Variants in MARCHF1 observed in about 807,000 individuals in gnomAD.
The protein encoded by MARCHF1 is E3 ubiquitin-protein ligase MARCHF1.
Under a neutral mutation model 54.2 loss-of-function variants are expected in MARCHF1, and 40 were observed. The observed-to-expected ratio is 0.74, with a 90% CI of 0.57 to 0.96. The LOEUF is 0.96. Among genes scored for constraint, MARCHF1 ranks in the 40% least tolerant of loss-of-function variants. MARCHF1 has a pLI of 0.00. For missense variants in MARCHF1, 586 were observed against 656.5 expected, an observed-to-expected ratio of 0.89 and a Z score of 1.17; for synonymous variants, 236 against 236.3, an observed-to-expected ratio of 1.00 and a Z score of 0.01.
intron 4 of MARCHF1, among the ~76,000 whole-genome samples, chr4:163,838,027 TAC>T (rs2111121124): frequency 6.6e-6 from 1 of 152,220 alleles, no homozygotes; most frequent in Admixed American, 6.5e-5. Flanking sequence ...TTAATGGAAG[TAC>T]AAAACTATTT....
At chr4:164,285,819 TAAA>T (rs78385104) in intron 1 of MARCHF1, among the ~76,000 whole-genome samples, 3,393 of 95,776 alleles carry the variant, frequency 0.035, 100 homozygotes, top group African/African-American at 0.094. Context: ...TGTAGTTCTT[TAAA>T]AAAAAAAAAA....
chr4:164,276,628 A>G (rs1733888997), intron 1 of MARCHF1, among the ~76,000 whole-genome samples: 1 of 151,106 alleles, frequency 6.6e-6, no homozygotes, highest in Non-Finnish European at 1.5e-5. Context: ...TGATCACTGC[A>G]CATTGTATAC....
chr4:163,930,204 G>C (rs1751640538), intron 3 of MARCHF1, among the ~76,000 whole-genome samples: 1 of 151,108 alleles, frequency 6.6e-6, no homozygotes, highest in African/African-American at 2.4e-5. Context: ...GACAGTAACT[G>C]TAAGAATCAA....
At chr4:163,952,283 T>C (rs927221249) in intron 3 of MARCHF1, among the ~76,000 whole-genome samples, 1 of 152,188 alleles carries the variant, frequency 6.6e-6, no homozygotes, top group Non-Finnish European at 1.5e-5. Context: ...ATACACACTG[T>C]AGAAAATGCT....
At chr4:163,590,450 A>G (rs962959577) in intron 7 of MARCHF1, among the ~76,000 whole-genome samples, 4 of 152,028 alleles carry the variant, frequency 2.6e-5, no homozygotes, top group Non-Finnish European at 5.9e-5. Flanking sequence ...AGTGGTTTTG[A>G]ATTGTCAACA....
At chr4:163,628,549 G>A (rs1292612608) in intron 5 of MARCHF1, among the ~76,000 whole-genome samples, 5 of 152,216 alleles carry the variant, frequency 3.3e-5, no homozygotes, top group Non-Finnish European at 7.3e-5. Context: ...TCTGGCCATG[G>A]CCATCAGGAA....
At chr4:163,529,689 A>G (rs925037157) in intron 9 of MARCHF1, 4 of 152,110 alleles carry the variant, frequency 2.6e-5, no homozygotes, top group Admixed American at 6.6e-5. Flanking sequence ...TCACACTTTT[A>G]TAGATGTCTA....
chr4:163,537,753 G>C (rs1010905157), intron 9 of MARCHF1, among the ~76,000 whole-genome samples: 2 of 152,194 alleles, frequency 1.3e-5, no homozygotes, highest in South Asian at 4.1e-4. Context: ...AGCTACTGTA[G>C]TCTCTCATAT....
At chr4:163,955,086 C>T (rs1376838525) in intron 3 of MARCHF1, among the ~76,000 whole-genome samples, 1 of 151,282 alleles carries the variant, frequency 6.6e-6, no homozygotes, top group Non-Finnish European at 1.5e-5. Context: ...GGAATTTGGA[C>T]AATGGAGGTG....
intron 1 of MARCHF1, among the ~76,000 whole-genome samples, chr4:164,142,155 T>C (rs1400509061): frequency 6.6e-6 from 1 of 152,214 alleles, no homozygotes; most frequent in Admixed American, 6.5e-5. Context: ...ATCCTGCACC[T>C]GCCTCGGAGG....
chr4:163,542,419 A>G (rs1036380791), intron 9 of MARCHF1, among the ~76,000 whole-genome samples: 2 of 152,182 alleles, frequency 1.3e-5, no homozygotes, highest in Non-Finnish European at 1.5e-5. Context: ...ACAGACAATT[A>G]AATGAGCAAT....
At chr4:163,737,204 ATTTTTTTTAATTTTT>A (rs372648484) in intron 4 of MARCHF1, among the ~76,000 whole-genome samples, 4,205 of 25,046 alleles carry the variant, frequency 0.17, 521 homozygotes, top group African/African-American at 0.21. Context: ...TTATTTATTT[ATTTTTTTTAATTTTT>A]TTTTTTTTTA....
chr4:164,143,045 T>C (rs1756591686), intron 1 of MARCHF1, among the ~76,000 whole-genome samples: 1 of 147,532 alleles, frequency 6.8e-6, no homozygotes, highest in Non-Finnish European at 1.5e-5. Flanking sequence ...CAGGAGCTGA[T>C]GCGATCAACT....
chr4:164,182,404 C>G (rs10049721), intron 1 of MARCHF1, among the ~76,000 whole-genome samples: 1 of 151,850 alleles, frequency 6.6e-6, no homozygotes, highest in Admixed American at 6.5e-5. Flanking sequence ...AATGCATTTT[C>G]TAAGGTAGGT....
At position 163,525,709 on chromosome 4, in the gene MARCHF1, T is replaced by C. The variant is rs946565620; in HGVS notation, c.*3039A>G. The C allele has an allele frequency of 6.6e-6, 1 of 151,158 alleles. No homozygotes were observed. Among genetic ancestry groups the C allele is most frequent in the Non-Finnish European group, 1.5e-5 (1 of 67,734 alleles). 9.4% of individuals were successfully genotyped at this position (151,158 alleles called of 1,614,324 possible). ...TAATTTCATTCTTCAATTTTAGTCC[T>C]TTTTTTTTCAATTCCATTTTATTTC... On this transcript the variant is annotated 3_prime_UTR_variant, in exon 10 of 10. Coordinates refer to ENST00000514618, the MANE Select transcript of MARCHF1 (RefSeq NM_001394959.1).
intron 1 of MARCHF1, among the ~76,000 whole-genome samples, chr4:164,292,535 C>A (rs1734308098): frequency 6.6e-6 from 1 of 152,132 alleles, no homozygotes. Context: ...CCGTGGTTTT[C>A]ACATGGTTTG....
At chr4:164,172,980 C>CAA (rs35995273) in intron 1 of MARCHF1, among the ~76,000 whole-genome samples, 38,052 of 127,502 alleles carry the variant, frequency 0.3, 6,491 homozygotes, top group Middle Eastern at 0.42. Flanking sequence ...GACTCCGTCT[C>CAA]AAAAAAAAAA....
rs192452154 is a variant in MARCHF1 at position 163,797,939 on chromosome 4, C to A, written c.111+56082G>T. ...GTTTGTGTGTCTGTAATTTTCAACT[C>A]TAAGCTCATGTTTCTTAGAACTTTA... On this transcript the variant is annotated intron_variant, in intron 4 of 9. Transcript: ENST00000514618. Among the ~76,000 whole-genome samples, 399 of 152,240 alleles carry A rather than the reference C, an allele frequency of 2.6e-3. 4 individuals are homozygous for A. Among genetic ancestry groups the A allele is most frequent in the African/African-American group, 9.1e-3 (377 of 41,558 alleles).
At chr4:164,261,772 T>TC (rs1344003712) in intron 1 of MARCHF1, among the ~76,000 whole-genome samples, 1 of 152,204 alleles carries the variant, frequency 6.6e-6, no homozygotes, top group Admixed American at 6.6e-5. Context: ...TTTTATTTTT[T>TC]CATGGTTCCT....
Sources: allele counts gnomAD v4.1 joint callset (sites outside exome capture counted in the v4.1 genomes callset), GRCh38; gene constraint gnomAD v4.1.1; transcripts MANE v1.5; gene names NCBI Gene and HGNC (gene_info 2026-07-23, HGNC 2026-07-21).